The following BMPER variants were observed in gnomAD, a reference collection of about 807,000 sequenced individuals.
The protein encoded by BMPER is BMP binding endothelial regulator, also known as BMP-binding endothelial regulator protein.
In BMPER, 45 loss-of-function variants were observed where a neutral mutation model predicts 87.3. The ratio of observed to expected loss-of-function variants is 0.52; its 90% CI spans 0.41 to 0.66. The LOEUF (loss-of-function observed/expected upper bound fraction) is 0.66, where lower values mean the gene tolerates loss of function less well. Among genes scored for constraint, BMPER ranks in the 30% least tolerant of loss-of-function variants. The pLI, the probability that BMPER is intolerant of heterozygous loss-of-function variation, is 0.00. For synonymous variants in BMPER, 326 were observed against 316.2 expected (o/e 1.03, Z -0.33); for missense variants, 784 against 867.5 (o/e 0.90, Z 1.21).
At position 34,091,491 on chromosome 7, in the gene BMPER, C is replaced by T. The variant is rs925841413; in HGVS notation, c.1745+5399C>T. Among the ~76,000 whole-genome samples the T allele has an allele frequency of 5.3e-5, 8 of 152,244 alleles. No individual in the cohort carries two copies. In the East Asian group the frequency reaches 1.3e-3, roughly 26 times the overall value. On this transcript the variant is annotated intron_variant, in intron 13 of 14. Transcript: ENST00000649409. Reference sequence around the variant, plus strand: ...CTCAACTGTTAGGTCACACTGAGTTCGTAATTAAGGTATGCTGACACCAGG... The same window carrying T: ...CTCAACTGTTAGGTCACACTGAGTTTGTAATTAAGGTATGCTGACACCAGG...
chr7:33,994,968 A>G (rs1370956703), intron 6 of BMPER, among the ~76,000 whole-genome samples: 2 of 152,182 alleles, frequency 1.3e-5, no homozygotes, highest in East Asian at 1.9e-4. Context: ...TCTAAATACC[A>G]ATTAATAGAA....
chr7:33,967,059 G>C (rs1331727562), intron 4 of BMPER, among the ~76,000 whole-genome samples: 2 of 152,112 alleles, frequency 1.3e-5, no homozygotes, highest in African/African-American at 4.8e-5. Context: ...TCAGCAACTA[G>C]GGAGTCCACT....
rs10244318 is a variant in BMPER at position 33,937,538 on chromosome 7, A to G, written c.319+150A>G. 0.015 allele frequency: 5,464 copies of G among 368,520 alleles called. 61 individuals are homozygous for G. The highest frequency in any genetic ancestry group is 0.074 in the African/African-American group (2,487 of 33,390). The allele number at this position is 368,520 out of a possible 1,614,324, so 22.8% of individuals were successfully genotyped here. A position where few individuals can be genotyped will look rare whatever the true frequency, so the allele number is the denominator to read the frequency against. ...GGTGTGTGTGTGTGTGTGTGTGTGTATGTGTGTGTTTGTGTGTATGTGTGT... is the reference window on the plus strand; with the variant it reads ...GGTGTGTGTGTGTGTGTGTGTGTGTGTGTGTGTGTTTGTGTGTATGTGTGT... On this transcript the variant is annotated intron_variant, in intron 3 of 14. Coordinates refer to ENST00000649409, the MANE Select transcript of BMPER (RefSeq NM_001365308.1).
intron 2 of BMPER, among the ~76,000 whole-genome samples, chr7:33,909,713 G>A (rs1490236968): frequency 6.8e-6 from 1 of 147,222 alleles, no homozygotes; most frequent in Non-Finnish European, 1.5e-5. Context: ...AAAAGCTAAC[G>A]TCAACGTATG....
At position 33,943,937 on chromosome 7, in the gene BMPER, A is replaced by G. The variant is rs537962811; in HGVS notation, c.319+6549A>G. Among the ~76,000 whole-genome samples the G allele has an allele frequency of 3.8e-4, 58 of 152,294 alleles. No individual in the cohort carries two copies. The South Asian group carries it at 0.012, about 30-fold the overall frequency. ...CATTTAAAGAGCCTAACTGAGTGCC[A>G]TCAATTGCTGTTGTGTTTTCTACAA... On this transcript the variant is annotated intron_variant, in intron 3 of 14. Transcript: ENST00000649409.
At chr7:34,039,350 T>C (rs756698050) in intron 6 of BMPER, among the ~76,000 whole-genome samples, 20 of 152,164 alleles carry the variant, frequency 1.3e-4, no homozygotes, top group Non-Finnish European at 2.2e-4. Context: ...TGAGGAATCA[T>C]TGGCCTAGTA....
At position 33,977,491 on chromosome 7, in the gene BMPER, G is replaced by A. The variant is rs373259604; in HGVS notation, c.576+2707G>A. On this transcript the variant is annotated intron_variant, in intron 6 of 14. Coordinates refer to ENST00000649409, the MANE Select transcript of BMPER (RefSeq NM_001365308.1). ...GTGAGGTGCCATCTTGCGTGAGAGG[G>A]CAAAGCTGGAGAAGGGCTTTAGACA... Among the ~76,000 whole-genome samples the A allele has an allele frequency of 5.1e-4, 77 of 152,242 alleles. 4 individuals are homozygous for A. The South Asian group carries it at 0.015, about 30-fold the overall frequency.
At chr7:33,966,649 T>A in intron 4 of BMPER, 88 bp downstream of exon 4, 5 of 1,263,668 alleles carry the variant, frequency 4.0e-6, no homozygotes, top group Non-Finnish European at 3.4e-6. Context: ...AACAAAACCC[T>A]AAAAAGGCCA....
chr7:34,100,792 C>A (rs1344923044), intron 13 of BMPER, among the ~76,000 whole-genome samples: 1 of 152,138 alleles, frequency 6.6e-6, no homozygotes. Context: ...GAGTCAGGGC[C>A]ATGTTCCTTT....
At chr7:33,929,383 G>A (rs1469365757) in intron 2 of BMPER, among the ~76,000 whole-genome samples, 1 of 152,160 alleles carries the variant, frequency 6.6e-6, no homozygotes, top group Non-Finnish European at 1.5e-5. Context: ...CCAGGTTTTG[G>A]TCAGCCTTGC....
chr7:34,088,466 C>G (rs1789282100), intron 13 of BMPER, among the ~76,000 whole-genome samples: 2 of 152,160 alleles, frequency 1.3e-5, no homozygotes, highest in Admixed American at 1.3e-4. Context: ...AAGATATTCT[C>G]TTCTCAGTGG....
At chr7:34,036,931 A>T (rs1182042969) in intron 6 of BMPER, among the ~76,000 whole-genome samples, 1 of 152,226 alleles carries the variant, frequency 6.6e-6, no homozygotes, top group African/African-American at 2.4e-5. Context: ...GAAAACTGCC[A>T]TTCAGCTAAG....
intron 6 of BMPER, among the ~76,000 whole-genome samples, chr7:34,033,525 C>T (rs889814184): frequency 1.3e-5 from 2 of 152,144 alleles, no homozygotes; most frequent in Admixed American, 6.6e-5. Context: ...TAAGCTTTCA[C>T]TTAATCTGCC....
chr7:34,131,556 A>G (rs567821702), intron 13 of BMPER, among the ~76,000 whole-genome samples: 2 of 152,324 alleles, frequency 1.3e-5, no homozygotes, highest in East Asian at 3.9e-4. Flanking sequence ...AAAAAGGCCT[A>G]TGGAAGGATC....
rs181857047 is a variant in BMPER at position 34,032,009 on chromosome 7, G to A, written c.577-14297G>A. Among the ~76,000 whole-genome samples the A allele has an allele frequency of 7.9e-3, 1,085 of 137,476 alleles. 18 individuals carry two copies. Among genetic ancestry groups the A allele is most frequent in the Admixed American group, 0.044 (590 of 13,378 alleles). 90.2% of individuals were successfully genotyped at this position (137,476 alleles called of 152,430 possible). On this transcript the variant is annotated intron_variant, in intron 6 of 14. Coordinates refer to ENST00000649409, the MANE Select transcript of BMPER (RefSeq NM_001365308.1). The stretch of plus-strand genomic sequence containing the variant: ...TATAAATATATATGTGTGTGTGTGT[G>A]TATATATATATATATAAAATAGTTA...
At chr7:34,043,759 G>T (rs1428742580) in intron 6 of BMPER, among the ~76,000 whole-genome samples, 3 of 152,164 alleles carry the variant, frequency 2.0e-5, no homozygotes, top group Non-Finnish European at 4.4e-5. Flanking sequence ...ATAGATGCTG[G>T]AAAGAAGGCC....
intron 13 of BMPER, among the ~76,000 whole-genome samples, chr7:34,133,315 A>G (rs1256827371): frequency 6.6e-6 from 1 of 152,100 alleles, no homozygotes; most frequent in African/African-American, 2.4e-5. Context: ...GGTCTATGTA[A>G]TGGCACCTCC....
chr7:33,959,066 T>C (rs1295375338), intron 3 of BMPER, among the ~76,000 whole-genome samples: 4 of 152,200 alleles, frequency 2.6e-5, no homozygotes, highest in Non-Finnish European at 5.9e-5. Context: ...TCTTCCACCA[T>C]AGTTGTGAGG....
At chr7:34,121,695 G>A (rs1217167094) in intron 13 of BMPER, among the ~76,000 whole-genome samples, 1 of 152,150 alleles carries the variant, frequency 6.6e-6, no homozygotes, top group African/African-American at 2.4e-5. Context: ...ACTAGCCTCT[G>A]GGCATTATCC....
Sources: allele counts gnomAD v4.1 joint callset (sites outside exome capture counted in the v4.1 genomes callset), GRCh38; gene constraint gnomAD v4.1.1; transcripts MANE v1.5; gene names NCBI Gene and HGNC (gene_info 2026-07-23, HGNC 2026-07-21).